Variants in PEPD observed in about 807,000 individuals in gnomAD.
PEPD encodes xaa-Pro dipeptidase.
Under a neutral mutation model 60.7 loss-of-function variants are expected in PEPD, and 53 were observed. The observed-to-expected ratio is 0.87, with a 90% CI of 0.70 to 1.10. The LOEUF (loss-of-function observed/expected upper bound fraction) is 1.10. Ranked by LOEUF, PEPD falls within the 50% of genes least tolerant of loss-of-function variation. The probability of loss-of-function intolerance (pLI) is 0.00; values close to 1 mark genes in which losing one functional copy is unlikely to be tolerated. For missense variants in PEPD, 711 were observed against 711.9 expected (o/e 1.00, Z 0.01); for synonymous variants, 267 against 284.1 (o/e 0.94, Z 0.60).
intron 9 of PEPD, among the ~76,000 whole-genome samples, chr19:33,444,063 G>A (rs769192734): frequency 6.6e-6 from 1 of 152,190 alleles, no homozygotes; most frequent in African/African-American, 2.4e-5. Flanking sequence ...ACTTACGTTC[G>A]TACATGGGTG....
chr19:33,498,451 A>G (rs1970649161), intron 4 of PEPD, among the ~76,000 whole-genome samples: 2 of 152,168 alleles, frequency 1.3e-5, no homozygotes, highest in African/African-American at 4.8e-5. Context: ...ACCCCCAGAA[A>G]TCACAGTAGA....
intron 12 of PEPD, among the ~76,000 whole-genome samples, chr19:33,393,756 T>C (rs575931894): frequency 1.2e-4 from 18 of 152,310 alleles, no homozygotes; most frequent in Non-Finnish European, 2.5e-4. Flanking sequence ...CTGCTGCTGC[T>C]CTTCTCTGAG....
chr19:33,413,705 C>T, intron 9 of PEPD, 62 bp from the exon 10 acceptor site: 3 of 987,948 alleles, frequency 3.0e-6, no homozygotes, highest in Non-Finnish European at 4.7e-6. Context: ...ACTCCACGAG[C>T]CCCATGAACC....
At chr19:33,514,775 C>T (rs993829179) in intron 1 of PEPD, among the ~76,000 whole-genome samples, 3 of 151,642 alleles carry the variant, frequency 2.0e-5, no homozygotes, top group Admixed American at 6.6e-5. Context: ...CTGATGACAG[C>T]GCCCTGCCCC....
Position 33,411,068 on chromosome 19 carries a change from G to A in PEPD, c.818+604C>T, listed in dbSNP as rs184294130. The stretch of plus-strand genomic sequence containing the variant: ...CCTCCAATGAGAGAAAAGACTACCC[G>A]AGGGGCGGAGGCCGCAGGGCCTGCC... On this transcript the variant is annotated intron_variant, in intron 11 of 14. Coordinates refer to ENST00000244137, the MANE Select transcript of PEPD (RefSeq NM_000285.4). Among the ~76,000 whole-genome samples the A allele has an allele frequency of 1.9e-3, 292 of 152,306 alleles. 1 individual carries two copies. Among genetic ancestry groups the A allele is most frequent in the African/African-American group, 6.9e-3 (285 of 41,590 alleles).
intron 9 of PEPD, among the ~76,000 whole-genome samples, chr19:33,459,228 G>A (rs570104192): frequency 2.8e-4 from 43 of 152,226 alleles, no homozygotes; most frequent in Non-Finnish European, 4.9e-4. Flanking sequence ...CCTTTCCCAT[G>A]ATTCTCATGA....
chr19:33,451,558 A>C (rs1476264274), intron 9 of PEPD, among the ~76,000 whole-genome samples: 1 of 152,238 alleles, frequency 6.6e-6, no homozygotes, highest in Non-Finnish European at 1.5e-5. Flanking sequence ...AAAACACAAA[A>C]TAAGGCTGTA....
chr19:33,399,972 G>C (rs1339892388), intron 12 of PEPD, among the ~76,000 whole-genome samples: 1 of 151,966 alleles, frequency 6.6e-6, no homozygotes, highest in African/African-American at 2.4e-5. Flanking sequence ...GCCAGCAGGC[G>C]GCAGAGCTGG....
At chr19:33,463,923 G>C in intron 8 of PEPD, 64 bp downstream of exon 8, 1 of 1,076,338 alleles carries the variant, frequency 9.3e-7, no homozygotes, top group Non-Finnish European at 1.4e-6. Context: ...TCATCCTCAC[G>C]CAGTTCTCTC....
rs1968504160 is a variant in PEPD at position 33,401,880 on chromosome 19, A to C, written c.819-11T>G. ...CCCATGTCGAACAGGCTGCGGAGAG[A>C]GGAAGGCAGGGCAAGTGGGTACTGG... On this transcript the variant is annotated splice_polypyrimidine_tract_variant and intron_variant, in intron 11 of 14. Transcript: ENST00000244137. 6.2e-7 allele frequency: 1 copy of C among 1,612,512 alleles called. No homozygotes were observed.
At chr19:33,409,398 G>A (rs898296863) in intron 11 of PEPD, among the ~76,000 whole-genome samples, 3 of 152,214 alleles carry the variant, frequency 2.0e-5, no homozygotes, top group Admixed American at 6.5e-5. Context: ...GCTGGGCACC[G>A]TGGCTCACAT....
chr19:33,501,843 T>TA (rs1970720459), intron 3 of PEPD, among the ~76,000 whole-genome samples: 1 of 152,128 alleles, frequency 6.6e-6, no homozygotes, highest in Admixed American at 6.5e-5. Flanking sequence ...GCTGGGATTA[T>TA]AGGCATTAGG....
intron 9 of PEPD, among the ~76,000 whole-genome samples, chr19:33,454,656 T>C (rs1232992756): frequency 2.1e-5 from 3 of 142,748 alleles, no homozygotes; most frequent in South Asian, 2.3e-4. Context: ...AAAAAAAAGG[T>C]TGAACAAATA....
intron 14 of PEPD, 132 bp from the exon 15 acceptor site, chr19:33,387,613 C>A: frequency 8.4e-7 from 1 of 1,196,352 alleles, no homozygotes; most frequent in Admixed American, 1.8e-5. Flanking sequence ...GGGTGGCCTC[C>A]GGGCTCCTTC....
intron 9 of PEPD, among the ~76,000 whole-genome samples, chr19:33,431,083 C>A (rs1969262060): frequency 6.6e-6 from 1 of 151,292 alleles, no homozygotes; most frequent in African/African-American, 2.4e-5. Context: ...GCACCCCAGC[C>A]TGGGCAACAG....
chr19:33,425,541 C>A (rs1222532751), intron 9 of PEPD, among the ~76,000 whole-genome samples: 1 of 152,116 alleles, frequency 6.6e-6, no homozygotes, highest in Non-Finnish European at 1.5e-5. Context: ...TACGAGTCCA[C>A]GGGATGACAT....
At chr19:33,396,738 CG>C (rs1968375052) in intron 12 of PEPD, among the ~76,000 whole-genome samples, 1 of 138,110 alleles carries the variant, frequency 7.2e-6, no homozygotes, top group Non-Finnish European at 1.6e-5. Context: ...GGAGCTGGGT[CG>C]GGGCTGGGAG....
intron 7 of PEPD, among the ~76,000 whole-genome samples, chr19:33,468,106 G>C (rs764424937): frequency 6.6e-6 from 1 of 152,156 alleles, no homozygotes; most frequent in African/African-American, 2.4e-5. Context: ...CTGGCCACCC[G>C]GTGAGGGAGG....
chr19:33,511,506 A>C (rs1419813514), intron 2 of PEPD: 1 of 354,344 alleles, frequency 2.8e-6, no homozygotes, highest in Non-Finnish European at 5.5e-6. Context: ...GGCAGGCAAG[A>C]CGCCCCCCGG....
Sources: gnomAD v4.1 joint callset for allele counts (sites outside exome capture counted in the v4.1 genomes callset) on GRCh38, gnomAD v4.1.1 for gene constraint, MANE v1.5 for transcripts, NCBI Gene and HGNC (gene_info 2026-07-23, HGNC 2026-07-21) for gene names.